The following NRXN1 variants were observed in gnomAD, a reference collection of about 807,000 sequenced individuals.
NRXN1 encodes neurexin 1.
In NRXN1, 39 loss-of-function variants were observed where a neutral mutation model predicts 150.9. The observed-to-expected ratio is 0.26, with a 90% CI of 0.20 to 0.34. NRXN1 has a LOEUF of 0.34. Among genes scored for constraint, NRXN1 ranks in the 10% least tolerant of loss-of-function variants. The pLI, the probability that NRXN1 is intolerant of heterozygous loss-of-function variation, is 1.00. For missense variants in NRXN1, 1,815 were observed against 1,949.9 expected (o/e 0.93, Z 1.30); for synonymous variants, 924 against 757.0 (o/e 1.22, Z -3.62).
chr2:50,504,176 C>T (rs2092105024), intron 13 of NRXN1, among the ~76,000 whole-genome samples: 2 of 146,692 alleles, frequency 1.4e-5, no homozygotes, highest in Non-Finnish European at 3.0e-5. Flanking sequence ...TGGCCCTAGA[C>T]TGCGCACTGT....
At chr2:50,788,369 G>T (rs1472252154) in intron 5 of NRXN1, among the ~76,000 whole-genome samples, 1 of 152,044 alleles carries the variant, frequency 6.6e-6, no homozygotes, top group East Asian at 1.9e-4. Context: ...TTACAGGCAT[G>T]AGCCACCGCG....
At chr2:50,912,235 G>T (rs753423749) in intron 5 of NRXN1, 2 of 151,748 alleles carry the variant, frequency 1.3e-5, no homozygotes, top group African/African-American at 2.4e-5. Flanking sequence ...TAAAGTACAG[G>T]ATGCCAATCT....
intron 2 of NRXN1, among the ~76,000 whole-genome samples, chr2:51,017,484 G>C (rs574500064): frequency 1.7e-5 from 2 of 118,950 alleles, no homozygotes; most frequent in South Asian, 5.9e-4. Flanking sequence ...TACAATACAC[G>C]TATGGCCACC....
intron 5 of NRXN1, among the ~76,000 whole-genome samples, chr2:50,862,110 G>A (rs568244757): frequency 1.3e-5 from 2 of 151,628 alleles, no homozygotes; most frequent in Non-Finnish European, 2.9e-5. Context: ...GCTGAGGCAG[G>A]AGAATTGTTT....
chr2:50,659,124 G>GT (rs1364040146), intron 5 of NRXN1, among the ~76,000 whole-genome samples: 5 of 152,000 alleles, frequency 3.3e-5, no homozygotes, highest in Admixed American at 1.3e-4. Context: ...ACAGCATGAG[G>GT]TATGACTACT....
intron 18 of NRXN1, among the ~76,000 whole-genome samples, chr2:50,181,732 A>C (rs2060731468): frequency 6.6e-6 from 1 of 152,128 alleles, no homozygotes; most frequent in Admixed American, 6.6e-5. Flanking sequence ...TGGATAAGAA[A>C]AACATTTTCA....
Position 49,990,151 on chromosome 2 carries a change from G to A in NRXN1, c.4129-46360C>T, listed in dbSNP as rs372091016. Among the ~76,000 whole-genome samples the A allele has an allele frequency of 1.1e-3, 169 of 152,114 alleles. 1 individual carries two copies. The highest frequency in any genetic ancestry group is 3.9e-3 in the African/African-American group (163 of 41,520). ...GTGATAGAACATAGTAAAAGGGATG[G>A]CCCTTTATATTGGGTGTTCAGGGAA... On this transcript the variant is annotated intron_variant, in intron 21 of 22. Coordinates refer to ENST00000401669, the MANE Select transcript of NRXN1 (RefSeq NM_001330078.2).
chr2:50,705,049 A>AACACACACACAC (rs10679163), intron 5 of NRXN1, among the ~76,000 whole-genome samples: 6 of 145,738 alleles, frequency 4.1e-5, no homozygotes, highest in South Asian at 2.2e-4. Context: ...CAGAAACACA[A>AACACACACACAC]ACACACACAC....
chr2:50,922,476 C>T (rs1363941813), intron 4 of NRXN1, 182 bp downstream of exon 4: 1 of 713,284 alleles, frequency 1.4e-6, no homozygotes, highest in Non-Finnish European at 2.5e-6. Flanking sequence ...AGGAACAAAC[C>T]AAAATCAAAC....
chr2:50,175,370 A>G (rs567844483), intron 18 of NRXN1, among the ~76,000 whole-genome samples: 7 of 152,334 alleles, frequency 4.6e-5, no homozygotes, highest in African/African-American at 1.7e-4. Flanking sequence ...CCAGCAGATT[A>G]TATTCATGTA....
intron 19 of NRXN1, among the ~76,000 whole-genome samples, chr2:50,056,872 A>G (rs1024315033): frequency 6.6e-6 from 1 of 152,054 alleles, no homozygotes; most frequent in African/African-American, 2.4e-5. Flanking sequence ...ACTCATACCA[A>G]CTCACATTGG....
intron 17 of NRXN1, among the ~76,000 whole-genome samples, chr2:50,352,778 T>TAATAATAA (rs199706433): frequency 8.4e-5 from 5 of 59,260 alleles, no homozygotes; most frequent in African/African-American, 2.6e-4. Context: ...AATAATAATA[T>TAATAATAA]TATAATAATA....
intron 21 of NRXN1, among the ~76,000 whole-genome samples, chr2:50,038,064 G>T (rs1690317699): frequency 6.6e-6 from 1 of 152,164 alleles, no homozygotes; most frequent in Admixed American, 6.5e-5. Context: ...GCAGAAAAAG[G>T]AACAGCTTAG....
intron 12 of NRXN1, among the ~76,000 whole-genome samples, chr2:50,508,925 G>A: frequency 6.6e-6 from 1 of 152,162 alleles, no homozygotes; most frequent in East Asian, 1.9e-4. Context: ...CATGCAACAT[G>A]AAGTGTAATG....
At chr2:50,640,694 T>C (rs771662814) in intron 5 of NRXN1, among the ~76,000 whole-genome samples, 40 of 152,196 alleles carry the variant, frequency 2.6e-4, no homozygotes, top group Non-Finnish European at 4.6e-4. Flanking sequence ...CTGAGAGTAA[T>C]ATAGGATTGT....
chr2:50,800,804 C>A (rs76275056), intron 5 of NRXN1, among the ~76,000 whole-genome samples: 3 of 152,160 alleles, frequency 2.0e-5, no homozygotes, highest in Non-Finnish European at 2.9e-5. Context: ...TCCGCCCCAG[C>A]CTCACAAAGT....
At chr2:50,280,653 G>A (rs543142937) in intron 17 of NRXN1, among the ~76,000 whole-genome samples, 1 of 152,296 alleles carries the variant, frequency 6.6e-6, no homozygotes, top group Admixed American at 6.5e-5. Context: ...ATCATAGGTA[G>A]TTAAGTGGTG....
chr2:50,557,994 C>T (rs1396319819), intron 8 of NRXN1, among the ~76,000 whole-genome samples: 6 of 152,082 alleles, frequency 3.9e-5, no homozygotes, highest in Non-Finnish European at 7.4e-5. Context: ...GGCTAGCTAA[C>T]CTAGGAGTTG....
At chr2:50,745,944 G>C (rs3861564) in intron 5 of NRXN1, among the ~76,000 whole-genome samples, 126,279 of 151,990 alleles carry the variant, frequency 0.83, 53,083 homozygotes, top group African/African-American at 0.96. Flanking sequence ...TTTTAAAACA[G>C]TAATCAAGAA....
Sources: gnomAD v4.1 joint callset for allele counts (sites outside exome capture counted in the v4.1 genomes callset) on GRCh38, gnomAD v4.1.1 for gene constraint, MANE v1.5 for transcripts, NCBI Gene and HGNC (gene_info 2026-07-23, HGNC 2026-07-21) for gene names.